Variants in GATAD2A observed in about 807,000 individuals in gnomAD.
The protein encoded by GATAD2A is transcriptional repressor p66-alpha.
A neutral mutation model predicts 68.5 loss-of-function variants in GATAD2A; 12 were observed. The observed-to-expected ratio is 0.18, with a 90% CI of 0.11 to 0.28. The LOEUF is 0.28. Among genes scored for constraint, GATAD2A ranks in the 10% least tolerant of loss-of-function variants. The pLI, the probability that GATAD2A is intolerant of heterozygous loss-of-function variation, is 1.00. For missense variants in GATAD2A, 755 were observed against 868.5 expected (o/e 0.87, Z 1.64); for synonymous variants, 410 against 375.3 (o/e 1.09, Z -1.07).
intron 1 of GATAD2A, among the ~76,000 whole-genome samples, chr19:19,439,820 C>T (rs146597277): frequency 2.1e-3 from 322 of 152,212 alleles, no homozygotes; most frequent in African/African-American, 6.9e-3. Flanking sequence ...TGCACTCCAG[C>T]ATGGGTGACA....
chr19:19,388,479 G>C (rs543080177), intron 1 of GATAD2A, among the ~76,000 whole-genome samples: 1 of 151,960 alleles, frequency 6.6e-6, no homozygotes. Context: ...CTTTTATTTC[G>C]GTTTCCAGGA....
chr19:19,480,758 G>C (rs1005762806), intron 2 of GATAD2A, among the ~76,000 whole-genome samples: 1 of 152,234 alleles, frequency 6.6e-6, no homozygotes, highest in African/African-American at 2.4e-5. Context: ...AGTGGTCCTC[G>C]TGGGTCACTT....
At chr19:19,385,989 C>A in exon 1 of GATAD2A, 2 of 150,286 alleles carry the variant, frequency 1.3e-5, no homozygotes, top group South Asian at 3.8e-4. Flanking sequence ...GTCGGTCGGT[C>A]GTCTGTCCTG....
Position 19,498,478 on chromosome 19 carries a change from C to T in GATAD2A, c.960C>T (p.Thr320=). ...TPASLKGTTA[T]SAQANSTPTS... is the part of the protein sequence containing the mutation. ...CATCACTGAAGGGGACAACAGCCACCTCCGCTCAGGCCAACTCCACCCCCA... is the reference window on the plus strand; with the variant it reads ...CATCACTGAAGGGGACAACAGCCACTTCCGCTCAGGCCAACTCCACCCCCA... Residue 320 remains threonine, a synonymous_variant, in exon 8 of 12, where the codon ACC becomes ACT. Coordinates refer to ENST00000683918, the MANE Select transcript of GATAD2A (RefSeq NM_001384528.1). The T allele has an allele frequency of 2.5e-6, 4 of 1,612,586 alleles. No homozygotes were observed. Among genetic ancestry groups the T allele is most frequent in the South Asian group, 2.2e-5 (2 of 91,068 alleles).
intron 2 of GATAD2A, among the ~76,000 whole-genome samples, chr19:19,480,008 A>C (rs1313431264): frequency 6.6e-6 from 1 of 151,698 alleles, no homozygotes; most frequent in East Asian, 1.9e-4. Flanking sequence ...TTGTTCACCA[A>C]GTTGGCTAGG....
intron 1 of GATAD2A, among the ~76,000 whole-genome samples, chr19:19,453,984 T>TG (rs112900494): frequency 0.01 from 1,555 of 148,538 alleles, 29 homozygotes; most frequent in African/African-American, 0.037. Flanking sequence ...TTTTTTTTTT[T>TG]TTGTTTATTT....
At chr19:19,468,756 A>C (rs1381724794) in intron 2 of GATAD2A, among the ~76,000 whole-genome samples, 1 of 152,258 alleles carries the variant, frequency 6.6e-6, no homozygotes, top group East Asian at 1.9e-4. Flanking sequence ...TCAGGTAAAC[A>C]AGACTGAAGG....
chr19:19,473,513 T>C (rs1483648178), intron 2 of GATAD2A, among the ~76,000 whole-genome samples: 1 of 152,170 alleles, frequency 6.6e-6, no homozygotes, highest in African/African-American at 2.4e-5. Context: ...TTTTAGACTT[T>C]TGCAGTCACC....
chr19:19,501,468 C>T lies in GATAD2A; in HGVS notation c.1503+52C>T, dbSNP rs772449901. Reference sequence around the variant, plus strand: ...CCGTCCCTAGGAGGCAGAGGCCGTTCCGCGATCCACCCCACGCCTGCGCTG... The same window carrying T: ...CCGTCCCTAGGAGGCAGAGGCCGTTTCGCGATCCACCCCACGCCTGCGCTG... On this transcript the variant is annotated intron_variant, in intron 9 of 11. Transcript: ENST00000683918. 2.9e-6 allele frequency: 4 copies of T among 1,374,870 alleles called. No homozygotes were observed. The Admixed American group carries it at 6.4e-5, about 22-fold the overall frequency. The allele number at this position is 1,374,870 out of a possible 1,614,324, so 85.2% of individuals were successfully genotyped here.
intron 1 of GATAD2A, among the ~76,000 whole-genome samples, chr19:19,390,724 C>T (rs939581275): frequency 1.3e-5 from 2 of 152,152 alleles, no homozygotes; most frequent in Admixed American, 6.5e-5. Context: ...GAACTATGTA[C>T]GCCTAAGGGA....
intron 1 of GATAD2A, among the ~76,000 whole-genome samples, chr19:19,425,376 C>G (rs2052957383): frequency 6.6e-6 from 1 of 152,120 alleles, no homozygotes; most frequent in Non-Finnish European, 1.5e-5. Context: ...TCCCTCCCCT[C>G]CCCTTTATTA....
At chr19:19,476,207 A>G (rs1363694262) in intron 2 of GATAD2A, among the ~76,000 whole-genome samples, 1 of 152,210 alleles carries the variant, frequency 6.6e-6, no homozygotes, top group Non-Finnish European at 1.5e-5. Flanking sequence ...CGAGGTAATC[A>G]CCAGTAAATG....
chr19:19,498,345 G>A lies in GATAD2A; in HGVS notation c.925-98G>A. ...AAGGACGCCATCGTCAAGGGTACTGGTTAGTGCAGTTGACAGGACCTCGGG... is the reference window on the plus strand; with the variant it reads ...AAGGACGCCATCGTCAAGGGTACTGATTAGTGCAGTTGACAGGACCTCGGG... On this transcript the variant is annotated intron_variant, in intron 7 of 11. Transcript: ENST00000683918. 4.6e-6 allele frequency: 5 copies of A among 1,077,268 alleles called. No homozygotes were observed. In the South Asian group the frequency reaches 7.6e-5, roughly 16 times the overall value. 66.7% of individuals were successfully genotyped at this position (1,077,268 alleles called of 1,614,324 possible). A position where few individuals can be genotyped will look rare whatever the true frequency, so the allele number is the denominator to read the frequency against.
intron 2 of GATAD2A, among the ~76,000 whole-genome samples, chr19:19,471,612 T>G (rs1271961026): frequency 6.6e-6 from 1 of 152,214 alleles, no homozygotes; most frequent in Non-Finnish European, 1.5e-5. Context: ...TTGCACAAAT[T>G]TACTGAAATC....
chr19:19,410,071 G>T (rs986388025), intron 1 of GATAD2A, among the ~76,000 whole-genome samples: 2 of 152,184 alleles, frequency 1.3e-5, no homozygotes, highest in African/African-American at 4.8e-5. Flanking sequence ...TTGCACAGTT[G>T]CCAGGGCCCC....
At chr19:19,450,856 C>T (rs1004336944) in intron 1 of GATAD2A, among the ~76,000 whole-genome samples, 13 of 151,654 alleles carry the variant, frequency 8.6e-5, no homozygotes, top group Admixed American at 6.6e-4. Flanking sequence ...CTACAACCTC[C>T]GCCTCCCGGT....
At chr19:19,474,602 T>C (rs1027686350) in intron 2 of GATAD2A, among the ~76,000 whole-genome samples, 2 of 152,230 alleles carry the variant, frequency 1.3e-5, no homozygotes, top group Non-Finnish European at 2.9e-5. Context: ...AGTAGACATG[T>C]GTGCAGCCTC....
At position 19,498,710 on chromosome 19, in the gene GATAD2A, C is replaced by T. The variant is rs775432758; in HGVS notation, c.1192C>T (p.Leu398=). 1 of 1,609,226 alleles carries T rather than the reference C, an allele frequency of 6.2e-7. No homozygotes were observed. The highest frequency in any genetic ancestry group is 8.5e-7 in the Non-Finnish European group (1 of 1,176,712). The part of the protein sequence containing the change: ...VGLEEVVQNL[L]ETQAGRMSAA... Reference sequence around the variant, plus strand: ...CCTGGAGGAGGTGGTGCAGAACCTACTGGAGACACAAGGTGAGTGGCCTGG... The same window carrying T: ...CCTGGAGGAGGTGGTGCAGAACCTATTGGAGACACAAGGTGAGTGGCCTGG... The change falls in exon 8 of 12, where the codon CTG becomes TTG. Residue 398 remains leucine, a synonymous_variant. Coordinates refer to ENST00000683918, the MANE Select transcript of GATAD2A (RefSeq NM_001384528.1).
At chr19:19,461,667 G>A in intron 1 of GATAD2A, among the ~76,000 whole-genome samples, 1 of 152,234 alleles carries the variant, frequency 6.6e-6, no homozygotes, top group East Asian at 1.9e-4. Context: ...AGGAAGAGCT[G>A]GGCTACGCCC....
Sources: gnomAD v4.1 joint callset for allele counts (sites outside exome capture counted in the v4.1 genomes callset) on GRCh38, gnomAD v4.1.1 for gene constraint, MANE v1.5 for transcripts, NCBI Gene and HGNC (gene_info 2026-07-23, HGNC 2026-07-21) for gene names.